Variants in SPATA31H1 observed in about 807,000 individuals in gnomAD.
The protein encoded by SPATA31H1 is SPATA31 subfamily H member 1, also known as spermatogenesis-associated protein 31H1.
chr2:27,546,967 G>C, the SPATA31H1 span, among the ~76,000 whole-genome samples: 1 of 151,994 alleles, frequency 6.6e-6, no homozygotes, highest in East Asian at 1.9e-4. Flanking sequence ...CTTTCCTCCA[G>C]CACCATTTAT....
the SPATA31H1 span, chr2:27,581,909 G>C: frequency 3.1e-6 from 5 of 1,612,422 alleles, no homozygotes; most frequent in Non-Finnish European, 4.2e-6. Flanking sequence ...GTCCCTCTGA[G>C]AGAAGACATC....
chr2:27,545,190 T>C, the SPATA31H1 span, among the ~76,000 whole-genome samples: 1 of 151,566 alleles, frequency 6.6e-6, no homozygotes, highest in African/African-American at 2.4e-5. Context: ...GCCCAGTTAA[T>C]TTTTGTAGTT....
At chr2:27,574,781 G>A in the SPATA31H1 span, 3 of 398,026 alleles carry the variant, frequency 7.5e-6, no homozygotes, top group African/African-American at 2.1e-5. Context: ...AGTTCAACTC[G>A]GGCCCACAGT....
At chr2:27,571,549 C>T in the SPATA31H1 span, 2 of 398,324 alleles carry the variant, frequency 5.0e-6, no homozygotes, top group African/African-American at 4.1e-5. Context: ...GATATGAAAA[C>T]TGCTAAATTA....
chr2:27,576,300 A>G, the SPATA31H1 span: 1 of 433,314 alleles, frequency 2.3e-6, no homozygotes, highest in African/African-American at 2.0e-5. Flanking sequence ...TCCAGGGACA[A>G]AATTTCAAGA....
the SPATA31H1 span, among the ~76,000 whole-genome samples, chr2:27,549,682 G>A: frequency 2.6e-5 from 4 of 151,812 alleles, no homozygotes; most frequent in Admixed American, 6.6e-5. Context: ...ATGATGGCAT[G>A]CCTGTAGTCT....
the SPATA31H1 span, among the ~76,000 whole-genome samples, chr2:27,563,566 T>A: frequency 6.6e-6 from 1 of 150,960 alleles, no homozygotes; most frequent in African/African-American, 2.4e-5. Flanking sequence ...CAGCTAATTT[T>A]TTTTTTTTTT....
At chr2:27,582,299 T>A in the SPATA31H1 span, 13 of 1,613,970 alleles carry the variant, frequency 8.1e-6, no homozygotes, top group Admixed American at 1.7e-5. Context: ...AGAGAACCCG[T>A]CACAGTCCCT....
chr2:27,539,862 G>C, the SPATA31H1 span, among the ~76,000 whole-genome samples: 1 of 88,142 alleles, frequency 1.1e-5, no homozygotes, highest in African/African-American at 4.4e-5. Context: ...CTGGCCAGGC[G>C]TGGGGCTGAT....
chr2:27,578,119 C>A, the SPATA31H1 span: 8 of 1,613,950 alleles, frequency 5.0e-6, no homozygotes, highest in Non-Finnish European at 5.1e-6. Context: ...GTGAAAGTGA[C>A]CCCTGGACCA....
the SPATA31H1 span, among the ~76,000 whole-genome samples, chr2:27,545,724 G>A: frequency 4.0e-5 from 6 of 151,602 alleles, no homozygotes; most frequent in South Asian, 2.1e-4. Flanking sequence ...ACAGGTGTGC[G>A]CCACCATGCC....
chr2:27,544,348 A>T, the SPATA31H1 span, among the ~76,000 whole-genome samples: 1 of 151,650 alleles, frequency 6.6e-6, no homozygotes, highest in Non-Finnish European at 1.5e-5. Context: ...CCCTCATGTT[A>T]TTTTCTAGTC....
chr2:27,573,718 C>A, the SPATA31H1 span: 2 of 398,426 alleles, frequency 5.0e-6, no homozygotes, highest in Non-Finnish European at 8.9e-6. Context: ...AAAGTGAAAC[C>A]CTTGGAGGCA....
chr2:27,570,956 G>A, the SPATA31H1 span: 1 of 398,716 alleles, frequency 2.5e-6, no homozygotes, highest in Non-Finnish European at 4.4e-6. Flanking sequence ...GACAACCACA[G>A]TTACAAGGTA....
chr2:27,579,430 C>T, the SPATA31H1 span: 10 of 1,614,080 alleles, frequency 6.2e-6, no homozygotes, highest in African/African-American at 9.3e-5. Flanking sequence ...ATTTCTCAGC[C>T]TTCTGTGGTC....
At chr2:27,551,025 G>A in the SPATA31H1 span, among the ~76,000 whole-genome samples, 3 of 151,786 alleles carry the variant, frequency 2.0e-5, no homozygotes, top group East Asian at 1.9e-4. Flanking sequence ...TACTAGCTGG[G>A]ACTAAGGCAC....
the SPATA31H1 span, among the ~76,000 whole-genome samples, chr2:27,555,134 C>T: frequency 6.6e-6 from 1 of 151,856 alleles, no homozygotes; most frequent in African/African-American, 2.4e-5. Context: ...TTTTCTGCAT[C>T]AATTTATAGG....
At chr2:27,580,360 C>T in the SPATA31H1 span, 1 of 1,614,124 alleles carries the variant, frequency 6.2e-7, no homozygotes, top group Non-Finnish European at 8.5e-7. Context: ...CACAACCTAC[C>T]AGAGAGTGAC....
chr2:27,562,990 T>G, the SPATA31H1 span, among the ~76,000 whole-genome samples: 1 of 152,004 alleles, frequency 6.6e-6, no homozygotes, highest in Non-Finnish European at 1.5e-5. Flanking sequence ...ATCTTCTATG[T>G]TTTTTTTAGA....
Sources: gnomAD v4.1 joint callset for allele counts (sites outside exome capture counted in the v4.1 genomes callset) on GRCh38, gnomAD v4.1.1 for gene constraint, MANE v1.5 for transcripts, NCBI Gene and HGNC (gene_info 2026-07-23, HGNC 2026-07-21) for gene names.